Variants in GREB1L observed in about 807,000 individuals in gnomAD.
The protein encoded by GREB1L is GREB1 like retinoic acid receptor coactivator.
In GREB1L, 17 loss-of-function variants were observed where a neutral mutation model predicts 200.8. That is an observed-to-expected ratio of 0.08 (90% confidence interval 0.06 to 0.13). GREB1L has a LOEUF of 0.13. GREB1L is among the 10% of genes least tolerant of loss of function. The pLI, the probability that GREB1L is intolerant of heterozygous loss-of-function variation, is 1.00. For missense variants in GREB1L, 1,657 were observed against 2,367.7 expected, an observed-to-expected ratio of 0.70 and a Z score of 6.23; for synonymous variants, 789 against 893.0, an observed-to-expected ratio of 0.88 and a Z score of 2.08.
intron 7 of GREB1L, among the ~76,000 whole-genome samples, chr18:21,430,274 T>G (rs1364843123): frequency 1.3e-5 from 2 of 149,022 alleles, no homozygotes; most frequent in Non-Finnish European, 3.0e-5. Context: ...TTTATAATGC[T>G]TTTTTTTTTC....
chr18:21,394,520 CA>C (rs1821373591), intron 4 of GREB1L, among the ~76,000 whole-genome samples: 1 of 152,152 alleles, frequency 6.6e-6, no homozygotes, highest in South Asian at 2.1e-4. Context: ...AAACAATGAA[CA>C]GATGAATTCA....
At chr18:21,281,536 CT>C (rs1409037039) in intron 1 of GREB1L, among the ~76,000 whole-genome samples, 1 of 152,200 alleles carries the variant, frequency 6.6e-6, no homozygotes, top group African/African-American at 2.4e-5. Context: ...GGTTTAAAAA[CT>C]CTATAGGTAA....
Position 21,449,459 on chromosome 18 carries a change from C to G in GREB1L, c.1394-51C>G, listed in dbSNP as rs550804348. The G allele has an allele frequency of 6.1e-4, 684 of 1,125,768 alleles. 7 individuals carry two copies. In the South Asian group the frequency reaches 9.8e-3, roughly 16 times the overall value. 69.7% of individuals were successfully genotyped at this position (1,125,768 alleles called of 1,614,324 possible). A position where few individuals can be genotyped will look rare whatever the true frequency, so the allele number is the denominator to read the frequency against. ...CAGGAAAGCATATGGGTGTGTGTGT[C>G]TCTCCTCCCTGTGATTCTTTAAATT... is the stretch of plus-strand genomic sequence containing the variant. On this transcript the variant is annotated intron_variant, in intron 11 of 32. Transcript: ENST00000424526.
At chr18:21,441,050 T>G (rs1333608998) in intron 9 of GREB1L, among the ~76,000 whole-genome samples, 1 of 152,224 alleles carries the variant, frequency 6.6e-6, no homozygotes, top group Admixed American at 6.5e-5. Flanking sequence ...TTCACACTTT[T>G]CTATACCTTT....
At chr18:21,414,873 C>T (rs1049248933) in intron 7 of GREB1L, among the ~76,000 whole-genome samples, 2 of 152,138 alleles carry the variant, frequency 1.3e-5, no homozygotes, top group Admixed American at 6.6e-5. Context: ...GACAAAAATA[C>T]ATTAAAAAAA....
intron 1 of GREB1L, among the ~76,000 whole-genome samples, chr18:21,343,046 A>G (rs998721723): frequency 1.3e-5 from 2 of 152,132 alleles, no homozygotes; most frequent in African/African-American, 2.4e-5. Context: ...TTAAAAAACA[A>G]AAACTGTGTG....
At chr18:21,498,648 T>C (rs2036651200) in intron 21 of GREB1L, among the ~76,000 whole-genome samples, 1 of 152,146 alleles carries the variant, frequency 6.6e-6, no homozygotes, top group South Asian at 2.1e-4. Flanking sequence ...CAAAGGTGGT[T>C]TGCCCTTGGC....
chr18:21,302,183 G>A (rs571300805), intron 1 of GREB1L, among the ~76,000 whole-genome samples: 56 of 152,274 alleles, frequency 3.7e-4, no homozygotes, highest in African/African-American at 9.4e-4. Context: ...TCTAAGGTAT[G>A]CAACTTTTTC....
chr18:21,319,455 C>T (rs2038919649), intron 1 of GREB1L, among the ~76,000 whole-genome samples: 1 of 152,192 alleles, frequency 6.6e-6, no homozygotes, highest in African/African-American at 2.4e-5. Context: ...GCCCTATACT[C>T]TTATATTGTA....
At chr18:21,255,680 C>G (rs1459491063) in intron 1 of GREB1L, among the ~76,000 whole-genome samples, 2 of 152,134 alleles carry the variant, frequency 1.3e-5, no homozygotes, top group Non-Finnish European at 2.9e-5. Flanking sequence ...TTAATTTTCT[C>G]CTTCTCTAGA....
intron 1 of GREB1L, among the ~76,000 whole-genome samples, chr18:21,262,500 A>C (rs984703602): frequency 1.1e-4 from 17 of 152,142 alleles, no homozygotes; most frequent in African/African-American, 4.1e-4. Context: ...GCTCCGTTAC[A>C]CTTCTGCTTT....
chr18:21,387,716 G>C (rs1197110615), intron 4 of GREB1L: 2 of 152,262 alleles, frequency 1.3e-5, no homozygotes, highest in East Asian at 3.9e-4. Context: ...TTTAATATTT[G>C]ATGTTTATTA....
intron 1 of GREB1L, among the ~76,000 whole-genome samples, chr18:21,292,086 A>T (rs2038459076): frequency 6.6e-6 from 1 of 152,214 alleles, no homozygotes; most frequent in African/African-American, 2.4e-5. Flanking sequence ...AAAGATACAG[A>T]ACTGATGAGT....
chr18:21,437,962 G>A (rs913737867), intron 7 of GREB1L, among the ~76,000 whole-genome samples: 2 of 152,202 alleles, frequency 1.3e-5, no homozygotes, highest in African/African-American at 2.4e-5. Flanking sequence ...AAGATGGGCT[G>A]TGTTGGTAAA....
intron 19 of GREB1L, among the ~76,000 whole-genome samples, chr18:21,491,922 A>G (rs1274601598): frequency 6.6e-6 from 1 of 152,160 alleles, no homozygotes; most frequent in African/African-American, 2.4e-5. Context: ...TCACAATTTT[A>G]TGTTATAGTC....
At chr18:21,426,204 C>T (rs2032559410) in intron 7 of GREB1L, among the ~76,000 whole-genome samples, 3 of 151,876 alleles carry the variant, frequency 2.0e-5, no homozygotes, top group Non-Finnish European at 2.9e-5. Flanking sequence ...CTACAGGCGC[C>T]CACCACCACG....
intron 16 of GREB1L, 125 bp from the exon 17 acceptor site, chr18:21,477,039 C>A: frequency 3.3e-6 from 2 of 602,460 alleles, no homozygotes; most frequent in Non-Finnish European, 5.3e-6. Flanking sequence ...TTAGTTGTTT[C>A]TTCTCTGCTC....
At chr18:21,416,624 G>A (rs1256710343) in intron 7 of GREB1L, among the ~76,000 whole-genome samples, 1 of 150,330 alleles carries the variant, frequency 6.7e-6, no homozygotes, top group East Asian at 2.0e-4. Context: ...AACCCGGGAG[G>A]CAGAGCTTGC....
At chr18:21,454,201 A>C (rs2034651865) in intron 14 of GREB1L, among the ~76,000 whole-genome samples, 165 bp from the exon 15 acceptor site, 1 of 152,236 alleles carries the variant, frequency 6.6e-6, no homozygotes, top group Non-Finnish European at 1.5e-5. Flanking sequence ...CAGGGAAAAT[A>C]GGCAAATCTA....
Sources: gnomAD v4.1 joint callset for allele counts (sites outside exome capture counted in the v4.1 genomes callset) on GRCh38, gnomAD v4.1.1 for gene constraint, MANE v1.5 for transcripts, NCBI Gene and HGNC (gene_info 2026-07-23, HGNC 2026-07-21) for gene names.